The following CYP27A1 variants were observed in gnomAD, a reference collection of about 807,000 sequenced individuals.
CYP27A1 encodes cytochrome P450 family 27 subfamily A member 1.
Under a neutral mutation model 58.2 loss-of-function variants are expected in CYP27A1, and 46 were observed. That is an observed-to-expected ratio of 0.79 (90% CI 0.62 to 1.01). The LOEUF is 1.01. CYP27A1 is among the 50% of genes least tolerant of loss of function. The pLI is 0.00. For missense variants in CYP27A1, 704 were observed against 687.0 expected (o/e 1.02, Z -0.28); for synonymous variants, 274 against 285.1 (o/e 0.96, Z 0.39).
rs367937503 is a variant in CYP27A1 at position 218,801,270 on chromosome 2, C to T, written c.256-8307C>T. Among the ~76,000 whole-genome samples the T allele has an allele frequency of 8.5e-5, 13 of 152,242 alleles. No individual in the cohort carries two copies. In the South Asian group the frequency reaches 1.5e-3, roughly 17 times the overall value. ...TTGTAATATCAGCACTTTGGGAGGCCGAGGTGAGTGGATCACGTGAGGTCA... is the reference window on the plus strand; with the variant it reads ...TTGTAATATCAGCACTTTGGGAGGCTGAGGTGAGTGGATCACGTGAGGTCA... On this transcript the variant is annotated intron_variant, in intron 1 of 8. Coordinates refer to ENST00000258415, the MANE Select transcript of CYP27A1 (RefSeq NM_000784.4).
chr2:218,812,144 A>T, intron 2 of CYP27A1, 78 bp from the exon 3 acceptor site: 1 of 1,075,546 alleles, frequency 9.3e-7, no homozygotes, highest in Non-Finnish European at 1.4e-6. Context: ...GGGGTGGTGG[A>T]CTTCAGGGTG....
chr2:218,783,718 C>T (rs934927860), intron 1 of CYP27A1, among the ~76,000 whole-genome samples: 1 of 152,024 alleles, frequency 6.6e-6, no homozygotes, highest in African/African-American at 2.4e-5. Flanking sequence ...GGCTTCGATT[C>T]GGGGTGCCTC....
rs186431196 is a variant in CYP27A1, at chr2:218,789,302, A to C, written c.255+6865A>C. On this transcript the variant is annotated intron_variant, in intron 1 of 8. Coordinates refer to ENST00000258415, the MANE Select transcript of CYP27A1 (RefSeq NM_000784.4). The stretch of plus-strand genomic sequence containing the variant: ...TTATTGCTTGCTAAGAGATGGAAAG[A>C]ACGTGTTGAAAAAGAAAAACTTTAG... 3.5e-4 allele frequency among the ~76,000 whole-genome samples: 54 copies of C among 152,362 alleles called. 2 individuals carry two copies. The East Asian group carries it at 5.2e-3, about 15-fold the overall frequency.
At chr2:218,811,206 T>A (rs562605349) in intron 2 of CYP27A1, among the ~76,000 whole-genome samples, 92 of 152,314 alleles carry the variant, frequency 6.0e-4, no homozygotes, top group Middle Eastern at 6.8e-3. Flanking sequence ...ACCGTGGAAA[T>A]TCCAATAATA....
In CYP27A1 at chr2:218,812,714, G is replaced by C; in HGVS notation, c.809G>C (p.Arg270Pro). ...CGCCCCGTGCTGCCTTTCTGGAAGC[G>C]ATACCTGGATGGTTGGAATGCCATC... Reference protein sequence around the residue: ...WTRPVLPFWKRYLDGWNAIFS... With the variant: ...WTRPVLPFWKPYLDGWNAIFS... The change falls in exon 4 of 9, where the codon CGA (arginine) becomes CCA (proline). Residue 270 changes from arginine (R) to proline (P), a missense_variant. Arg to Pro is a moderately radical substitution (Grantham distance 103, BLOSUM62 -2). Coordinates refer to ENST00000258415, the MANE Select transcript of CYP27A1 (RefSeq NM_000784.4). The C allele has an allele frequency of 6.2e-7, 1 of 1,614,206 alleles. No individual in the cohort carries two copies. Among genetic ancestry groups the C allele is most frequent in the Non-Finnish European group, 8.5e-7 (1 of 1,180,044 alleles).
chr2:218,792,557 A>G (rs544784514), intron 1 of CYP27A1, among the ~76,000 whole-genome samples: 2 of 152,282 alleles, frequency 1.3e-5, no homozygotes, highest in African/African-American at 2.4e-5. Flanking sequence ...CTGTCCTTTC[A>G]TGAACCTCCT....
In CYP27A1 at chr2:218,810,395, G is replaced by A. The variant is rs114901998; in HGVS notation, c.446+628G>A. 3.0e-3 allele frequency among the ~76,000 whole-genome samples: 463 copies of A among 152,180 alleles called. 1 individual carries two copies. The highest frequency in any genetic ancestry group is 0.01 in the African/African-American group (435 of 41,526). On this transcript the variant is annotated intron_variant, in intron 2 of 8. Transcript: ENST00000258415. The stretch of plus-strand genomic sequence containing the variant: ...GACATGACAGCTCAGATTTAGAATC[G>A]GAGCTAAACATTATGTAGAGCCCTT...
Position 218,814,770 on chromosome 2 carries a change from AG to A in CYP27A1, c.1476+15del. 6.2e-7 allele frequency: 1 copy of A among 1,613,830 alleles called. No individual in the cohort carries two copies. Reference sequence around the variant, plus strand: ...ACTCCTCGCAAGGGTGAGCTGGGAGAGGCTAGTAGGGTGTGTGGGCAGGGAG... The same window carrying A: ...ACTCCTCGCAAGGGTGAGCTGGGAGAGCTAGTAGGGTGTGTGGGCAGGGAG... On this transcript the variant is annotated intron_variant, in intron 8 of 8. Coordinates refer to ENST00000258415, the MANE Select transcript of CYP27A1 (RefSeq NM_000784.4).
chr2:218,814,877 A>G (rs1943772124), intron 8 of CYP27A1, 34 bp from the exon 9 acceptor site: 1 of 1,614,028 alleles, frequency 6.2e-7, no homozygotes, highest in Non-Finnish European at 8.5e-7. Context: ...CAAACACACA[A>G]TCCACCCAAC....
chr2:218,812,461 C>G, intron 3 of CYP27A1, 40 bp downstream of exon 3: 1 of 1,611,360 alleles, frequency 6.2e-7, no homozygotes, highest in Non-Finnish European at 8.5e-7. Context: ...GGGAATGGGT[C>G]AGGGAGAGGT....
intron 1 of CYP27A1, among the ~76,000 whole-genome samples, chr2:218,801,516 C>CA (rs1239664407): frequency 6.6e-6 from 1 of 151,780 alleles, no homozygotes; most frequent in African/African-American, 2.4e-5. Flanking sequence ...AAAAAAAACC[C>CA]AAAAAACAAA....
intron 1 of CYP27A1, among the ~76,000 whole-genome samples, chr2:218,801,943 C>A (rs1575202368): frequency 6.7e-6 from 1 of 148,542 alleles, no homozygotes; most frequent in Non-Finnish European, 1.5e-5. Context: ...ACTTGCCAGG[C>A]CCTGGGCTTT....
chr2:218,809,439 GCCCTTTTTTTT>G lies in CYP27A1; in HGVS notation c.256-137_256-127del. ...TCCTGGTGCCTACATCATACACAAT[GCCCTTTTTTTT>G]TTTTTTTTTTTTTTGCCCAGCTCAT... On this transcript the variant is annotated intron_variant, in intron 1 of 8. Transcript: ENST00000258415. 10 of 662,694 alleles carry G rather than the reference GCCCTTTTTTTT, an allele frequency of 1.5e-5. No individual in the cohort carries two copies. In the African/African-American group the frequency reaches 2.2e-4, roughly 15 times the overall value. The allele number at this position is 662,694 out of a possible 1,614,324, so 41.1% of individuals were successfully genotyped here.
At chr2:218,800,433 T>A (rs985425334) in intron 1 of CYP27A1, among the ~76,000 whole-genome samples, 1 of 151,968 alleles carries the variant, frequency 6.6e-6, no homozygotes, top group Non-Finnish European at 1.5e-5. Flanking sequence ...TAAAAATAAA[T>A]AAACAAATAA....
In CYP27A1 at chr2:218,809,448, T is replaced by TAC. The variant is rs1306579700; in HGVS notation, c.256-129_256-128insAC. On this transcript the variant is annotated intron_variant, in intron 1 of 8. Coordinates refer to ENST00000258415, the MANE Select transcript of CYP27A1 (RefSeq NM_000784.4). ...CTACATCATACACAATGCCCTTTTTTTTTTTTTTTTTTTTTTGCCCAGCTC... is the reference window on the plus strand; with the variant it reads ...CTACATCATACACAATGCCCTTTTTTACTTTTTTTTTTTTTTTTGCCCAGCTC... 22 of 427,558 alleles carry TAC rather than the reference T, an allele frequency of 5.1e-5. 1 individual carries two copies. Among genetic ancestry groups the TAC allele is most frequent in the African/African-American group, 2.3e-4 (10 of 44,330 alleles). The allele number at this position is 427,558 out of a possible 1,614,324, so 26.5% of individuals were successfully genotyped here. A position where few individuals can be genotyped will look rare whatever the true frequency, so the allele number is the denominator to read the frequency against.
intron 1 of CYP27A1, among the ~76,000 whole-genome samples, chr2:218,808,581 T>C (rs1943674566): frequency 6.6e-6 from 1 of 152,194 alleles, no homozygotes; most frequent in Non-Finnish European, 1.5e-5. Flanking sequence ...GTAATGTCTC[T>C]TTTATAGAAG....
intron 1 of CYP27A1, among the ~76,000 whole-genome samples, chr2:218,795,929 A>C (rs1038574223): frequency 6.6e-6 from 1 of 152,184 alleles, no homozygotes; most frequent in African/African-American, 2.4e-5. Flanking sequence ...TTCCAAAAGG[A>C]AGCTCAGATA....
In CYP27A1 at chr2:218,812,666, C is replaced by T; in HGVS notation, c.761C>T (p.Ala254Val). The T allele has an allele frequency of 1.2e-6, 2 of 1,614,244 alleles. No individual in the cohort carries two copies. The highest frequency in any genetic ancestry group is 1.7e-6 in the Non-Finnish European group (2 of 1,180,046). The change falls in exon 4 of 9, where the codon GCC (alanine) becomes GTC (valine). Residue 254 changes from alanine to valine, a missense_variant. Transcript: ENST00000258415. ...IGLMFQNSLYATFLPKWTRPV... is the reference protein window; with the variant it reads ...IGLMFQNSLYVTFLPKWTRPV... ...TTAATGTTCCAGAACTCACTCTATG[C>T]CACCTTCCTCCCCAAGTGGACTCGC...
chr2:218,813,149 A>T, intron 5 of CYP27A1, 53 bp downstream of exon 5: 1 of 1,530,738 alleles, frequency 6.5e-7, no homozygotes, highest in South Asian at 1.2e-5. Context: ...AACCTGAACC[A>T]GTTCCCTATT....
Sources: allele counts gnomAD v4.1 joint callset (sites outside exome capture counted in the v4.1 genomes callset), GRCh38; gene constraint gnomAD v4.1.1; transcripts MANE v1.5; gene names NCBI Gene and HGNC (gene_info 2026-07-23, HGNC 2026-07-21).